The following PARP9 variants were observed in gnomAD, a reference collection of about 807,000 sequenced individuals.
The protein encoded by PARP9 is poly(ADP-ribose) polymerase family member 9, also known as protein mono-ADP-ribosyltransferase PARP9.
PARP9 carries 48 observed loss-of-function variants against 68.8 expected under a neutral mutation model. The observed-to-expected ratio is 0.70, with a 90% CI of 0.55 to 0.89. The LOEUF (loss-of-function observed/expected upper bound fraction) is 0.89. PARP9 is among the 40% of genes least tolerant of loss of function. PARP9 has a pLI of 0.00. For synonymous variants in PARP9, 309 were observed against 333.8 expected (o/e 0.93, Z 0.81); for missense variants, 806 against 969.3 (o/e 0.83, Z 2.24).
Position 122,540,599 on chromosome 3 carries a change from C to T in PARP9, c.1638G>A (p.Arg546=), listed in dbSNP as rs975917800. The T allele has an allele frequency of 6.2e-7, 1 of 1,614,058 alleles. No individual in the cohort carries two copies. Among genetic ancestry groups the T allele is most frequent in the Non-Finnish European group, 8.5e-7 (1 of 1,180,016 alleles). ...VSITEIISPG[R]TELEIEGARA... ...GGGCTCCTTCAATCTCTAACTCTGT[C>T]CTTCCTGGGCTGATAATTTCTGTGA... Residue 546 remains arginine (R), a synonymous_variant, in exon 8 of 11, where the codon AGG becomes AGA. Transcript: ENST00000682323.
intron 7 of PARP9, among the ~76,000 whole-genome samples, chr3:122,544,053 GTT>G (rs1035562429): frequency 2.0e-5 from 3 of 152,002 alleles, no homozygotes; most frequent in African/African-American, 7.2e-5. Flanking sequence ...CCTTTTTTAT[GTT>G]ATCCTCACCT....
In PARP9 at chr3:122,540,815, C is replaced by A; in HGVS notation, c.1422G>T (p.Gly474=). 6.2e-7 allele frequency: 1 copy of A among 1,614,020 alleles called. No homozygotes were observed. Among genetic ancestry groups the A allele is most frequent in the South Asian group, 1.1e-5 (1 of 91,070 alleles). The change falls in exon 8 of 11, where the codon GGG becomes GGT. Residue 474 remains glycine, a synonymous_variant. Coordinates refer to ENST00000682323, the MANE Select transcript of PARP9 (RefSeq NM_001146105.2). ...TGATGGCAGGAGATCTAGCTTCAAGCCCATTTTCTCTTTTCTCCTCTCTGG... is the reference window on the plus strand; with the variant it reads ...TGATGGCAGGAGATCTAGCTTCAAGACCATTTTCTCTTTTCTCCTCTCTGG... ...QSTREEKREN[G]LEARSPAINL...
At chr3:122,529,710 C>A (rs553470858) in intron 10 of PARP9, among the ~76,000 whole-genome samples, 1 of 148,262 alleles carries the variant, frequency 6.7e-6, no homozygotes, top group Non-Finnish European at 1.5e-5. Flanking sequence ...GCCGAGGTTG[C>A]GCCACTGCAC....
rs201925167 is a variant in PARP9 at position 122,559,665 on chromosome 3, C to T, written c.-45G>A. 241 of 1,555,942 alleles carry T rather than the reference C, an allele frequency of 1.5e-4. No homozygotes were observed. The highest frequency in any genetic ancestry group is 6.8e-4 in the Middle Eastern group (4 of 5,886). On this transcript the variant is annotated 5_prime_UTR_variant, in exon 2 of 11. Transcript: ENST00000682323. ...GTCTTTAAATGTTTATTCCCTTTTG[C>T]GCTTCAAAGCATAGACTGTAGTTTC...
In PARP9 at chr3:122,556,141, T is replaced by TAAAAAAA. The variant is rs745677021; in HGVS notation, c.50-27_50-21dup. 1,286 of 208,414 alleles carry TAAAAAAA rather than the reference T, an allele frequency of 6.2e-3. 154 individuals carry two copies. Among genetic ancestry groups the TAAAAAAA allele is most frequent in the East Asian group, 7.1e-3 (97 of 13,720 alleles). The allele number at this position is 208,414 out of a possible 1,614,324, so 12.9% of individuals were successfully genotyped here. Reference sequence around the variant, plus strand: ...CAGTCTCTGGAAAAGAAGAGAAGATTAAAAAAAAAAAAAAAAAAAAAAAAA... The same window carrying TAAAAAAA: ...CAGTCTCTGGAAAAGAAGAGAAGATTAAAAAAAAAAAAAAAAAAAAAAAAAAAAAAAA... On this transcript the variant is annotated intron_variant, in intron 3 of 10. Transcript: ENST00000682323.
rs1435459616 is a variant in PARP9, at chr3:122,556,112, G to A, written c.59C>T (p.Ala20Val). 3.0e-6 allele frequency: 2 copies of A among 663,868 alleles called. No homozygotes were observed. Among genetic ancestry groups the A allele is most frequent in the African/African-American group, 2.2e-5 (1 of 44,736 alleles). The allele number at this position is 663,868 out of a possible 1,614,324, so 41.1% of individuals were successfully genotyped here. A position where few individuals can be genotyped will look rare whatever the true frequency, so the allele number is the denominator to read the frequency against. ...TTGCCAACTATAGTTTTCTCCAAGA[G>A]CACCAGTCTCTGGAAAAGAAGAGAA... ...AAYNEKSETG[A>V]LGENYSWQIP... is the part of the protein sequence containing the mutation. The change falls in exon 4 of 11, where the codon GCT becomes GTT. Residue 20 changes from alanine (A) to valine (V), a missense_variant. Physicochemically the swap from Ala to Val is moderately conservative, Grantham distance 64. Coordinates refer to ENST00000682323, the MANE Select transcript of PARP9 (RefSeq NM_001146105.2).
chr3:122,550,901 C>T (rs1485721496), intron 5 of PARP9, 99 bp from the exon 6 acceptor site: 1 of 1,107,638 alleles, frequency 9.0e-7, no homozygotes, highest in Non-Finnish European at 1.3e-6. Flanking sequence ...CACCTTCACC[C>T]TCCCTCAGGG....
chr3:122,542,993 G>A (rs1268858296), intron 7 of PARP9, among the ~76,000 whole-genome samples: 2 of 151,820 alleles, frequency 1.3e-5, no homozygotes, highest in Non-Finnish European at 1.5e-5. Flanking sequence ...TGCAACCTCC[G>A]CCTCCTGGGT....
chr3:122,544,898 T>C (rs572495176), intron 7 of PARP9, among the ~76,000 whole-genome samples: 1 of 152,268 alleles, frequency 6.6e-6, no homozygotes, highest in Admixed American at 6.5e-5. Context: ...ATAGATATGC[T>C]TGGCCCAGAC....
Position 122,556,104 on chromosome 3 carries a change from C to G in PARP9, c.67G>C (p.Glu23Gln), listed in dbSNP as rs139103040. 1 of 1,212,502 alleles carries G rather than the reference C, an allele frequency of 8.2e-7. No individual in the cohort carries two copies. The allele number at this position is 1,212,502 out of a possible 1,614,324, so 75.1% of individuals were successfully genotyped here. Residue 23 changes from glutamate (E) to glutamine (Q), a missense_variant, in exon 4 of 11, where the codon GAA (glutamate) becomes CAA (glutamine). Around this residue, in one of 2 missense-constraint regions of PARP9, gnomAD observed 126 missense variants for 110.5 expected, o/e 1.14. Coordinates refer to ENST00000682323, the MANE Select transcript of PARP9 (RefSeq NM_001146105.2). ...ATGGGAATTTGCCAACTATAGTTTT[C>G]TCCAAGAGCACCAGTCTCTGGAAAA... is the stretch of plus-strand genomic sequence containing the variant. ...NEKSETGALGENYSWQIPINH... is the reference protein window; with the variant it reads ...NEKSETGALGQNYSWQIPINH...
At chr3:122,539,685 T>C (rs1025677823) in intron 8 of PARP9, among the ~76,000 whole-genome samples, 1 of 151,836 alleles carries the variant, frequency 6.6e-6, no homozygotes, top group African/African-American at 2.4e-5. Context: ...CTCAGCCTCC[T>C]GAGTAGCTGG....
At chr3:122,553,046 T>C (rs1162848889) in intron 4 of PARP9, among the ~76,000 whole-genome samples, 2 of 152,182 alleles carry the variant, frequency 1.3e-5, no homozygotes, top group Non-Finnish European at 2.9e-5. Flanking sequence ...TCGTTTTAAA[T>C]AGGAAATAAA....
intron 6 of PARP9, among the ~76,000 whole-genome samples, chr3:122,547,011 T>TATAC (rs202219031): frequency 1.2e-5 from 1 of 81,860 alleles, no homozygotes; most frequent in Non-Finnish European, 2.5e-5. Context: ...TATATATATA[T>TATAC]ATACACACAC....
In PARP9 at chr3:122,528,832, G is replaced by A. The variant is rs369381887; in HGVS notation, c.2081-89C>T. On this transcript the variant is annotated intron_variant, in intron 10 of 10. Coordinates refer to ENST00000682323, the MANE Select transcript of PARP9 (RefSeq NM_001146105.2). ...GGTACTAATATCTATTCTTTCTTTA[G>A]TCTTCCAAATAATCACTTCCTCCTG... The A allele has an allele frequency of 2.4e-6, 3 of 1,234,580 alleles. No individual in the cohort carries two copies. The African/African-American group carries it at 4.6e-5, about 19-fold the overall frequency. The allele number at this position is 1,234,580 out of a possible 1,614,324, so 76.5% of individuals were successfully genotyped here. A position where few individuals can be genotyped will look rare whatever the true frequency, so the allele number is the denominator to read the frequency against.
chr3:122,558,674 C>G (rs1008135630), intron 2 of PARP9, among the ~76,000 whole-genome samples: 4 of 152,168 alleles, frequency 2.6e-5, no homozygotes. Flanking sequence ...GGCCCTATGT[C>G]ATTTCCCTAG....
intron 3 of PARP9, 33 bp from the exon 4 acceptor site, chr3:122,556,154 A>ATT: frequency 2.9e-6 from 3 of 1,031,274 alleles, no homozygotes; most frequent in African/African-American, 2.1e-5. Context: ...AAAAAAAAAA[A>ATT]AAAAAAAAAA....
At chr3:122,552,927 A>G (rs1019259951) in intron 4 of PARP9, among the ~76,000 whole-genome samples, 2 of 152,164 alleles carry the variant, frequency 1.3e-5, no homozygotes, top group African/African-American at 4.8e-5. Context: ...CCAGATGGCT[A>G]GATTCTGAGT....
At chr3:122,555,256 C>T (rs373458268) in intron 4 of PARP9, 30 bp downstream of exon 4, 21 of 1,557,832 alleles carry the variant, frequency 1.3e-5, no homozygotes, top group East Asian at 1.1e-4. Flanking sequence ...TCACCTGTGC[C>T]AGTGCAAGAG....
chr3:122,533,999 C>T (rs1362536195), intron 10 of PARP9: 1 of 985,298 alleles, frequency 1.0e-6, no homozygotes, highest in Non-Finnish European at 1.2e-6. Context: ...TAAGAGTTCT[C>T]TCTAGCCTAC....
Sources: allele counts gnomAD v4.1 joint callset (sites outside exome capture counted in the v4.1 genomes callset), GRCh38; gene constraint gnomAD v4.1.1; regional missense constraint gnomAD v4.1.1; transcripts MANE v1.5; gene names NCBI Gene and HGNC (gene_info 2026-07-23, HGNC 2026-07-21).